ZNF273: variants seen among roughly 807,000 people sequenced by gnomAD.
The protein encoded by ZNF273 is zinc finger protein 273, also known as zinc finger protein 9.
In ZNF273, 11 loss-of-function variants were observed where a neutral mutation model predicts 14.9. The observed-to-expected ratio is 0.74, with a 90% CI of 0.46 to 1.22. ZNF273 has a LOEUF of 1.22. Ranked by LOEUF, ZNF273 falls within the 50% of genes most tolerant of loss-of-function variation. The probability of loss-of-function intolerance (pLI) is 0.00; values close to 1 mark genes in which losing one functional copy is unlikely to be tolerated. For synonymous variants in ZNF273, 199 were observed against 223.9 expected (o/e 0.89, Z 0.99); for missense variants, 577 against 660.6 (o/e 0.87, Z 1.39).
intron 1 of ZNF273, among the ~76,000 whole-genome samples, chr7:64,912,826 G>GTTTTGTTTTTTTTTTT (rs746174998): frequency 1.4e-4 from 5 of 36,568 alleles, no homozygotes; most frequent in Non-Finnish European, 2.3e-4. Context: ...ATTCATTTTA[G>GTTTTGTTTTTTTTTTT]TTTTTTTTTT....
chr7:64,890,383 A>T (rs1162180158), downstream of ZNF273, among the ~76,000 whole-genome samples: 1 of 152,000 alleles, frequency 6.6e-6, no homozygotes, highest in Non-Finnish European at 1.5e-5. Flanking sequence ...AGGTTCCGTG[A>T]TCAGCTGCGG....
downstream of ZNF273, among the ~76,000 whole-genome samples, chr7:64,881,730 G>T (rs1207306911): frequency 6.6e-6 from 1 of 152,158 alleles, no homozygotes; most frequent in African/African-American, 2.4e-5. Flanking sequence ...ATGGGTCGTG[G>T]TCTCTTTGTG....
At chr7:64,894,675 C>T (rs1792253102), downstream of ZNF273, among the ~76,000 whole-genome samples, 1 of 142,318 alleles carries the variant, frequency 7.0e-6, no homozygotes, top group Admixed American at 7.1e-5. Flanking sequence ...ATTTGTCATA[C>T]TATATAAATA....
chr7:64,885,021 C>A (rs72504857), intron 1 of ZNF273, among the ~76,000 whole-genome samples: 5,397 of 152,326 alleles, frequency 0.035, 133 homozygotes, highest in Middle Eastern at 0.082. Context: ...GCGCCAGTCG[C>A]GGGACACCTG....
chr7:64,918,161 G>A (rs1483514684), intron 2 of ZNF273, 36 bp from the exon 3 acceptor site: 1 of 1,525,898 alleles, frequency 6.6e-7, no homozygotes, highest in Admixed American at 1.8e-5. Flanking sequence ...TGGAGAATAT[G>A]AGCAAGATTC....
intron 1 of ZNF273, among the ~76,000 whole-genome samples, chr7:64,912,826 G>GTTTTTTGTTTTTGTTTTTTTTTTTT: frequency 2.7e-5 from 1 of 36,568 alleles, no homozygotes. Context: ...ATTCATTTTA[G>GTTTTTTGTTTTTGTTTTTTTTTTTT]TTTTTTTTTT....
At chr7:64,931,155 G>A (rs566075082), downstream of ZNF273, among the ~76,000 whole-genome samples, 1 of 152,072 alleles carries the variant, frequency 6.6e-6, no homozygotes, top group Non-Finnish European at 1.5e-5. Flanking sequence ...GAGTATGTTT[G>A]TACCTGTTTT....
intron 3 of ZNF273, among the ~76,000 whole-genome samples, chr7:64,896,508 G>T (rs1367643221): frequency 6.6e-6 from 1 of 151,926 alleles, no homozygotes; most frequent in Non-Finnish European, 1.5e-5. Context: ...TTTTCAGAAA[G>T]AATAAATACA....
upstream of ZNF273, among the ~76,000 whole-genome samples, chr7:64,900,128 T>G (rs182316310): frequency 1.3e-4 from 20 of 152,002 alleles, no homozygotes; most frequent in East Asian, 1.4e-3. Flanking sequence ...CTTTTTTTTT[T>G]TTTGTTTGTT....
At chr7:64,911,280 C>CT (rs58701857) in intron 1 of ZNF273, among the ~76,000 whole-genome samples, 18,687 of 128,286 alleles carry the variant, frequency 0.15, 1,407 homozygotes, top group African/African-American at 0.27. Context: ...GTGAACTAGC[C>CT]TTTTTTTTTT....
downstream of ZNF273, chr7:64,889,606 C>T (rs1791844288): frequency 3.0e-6 from 3 of 986,026 alleles, no homozygotes; most frequent in Non-Finnish European, 3.6e-6. This position sits in a 1 kb window ranked among gnomAD's most constrained non-coding sequence, Gnocchi z 4.2. Context: ...GGGGTCCCCG[C>T]GCTGTTGGAA....
intron 1 of ZNF273, among the ~76,000 whole-genome samples, chr7:64,907,399 A>C (rs1199937881): frequency 2.0e-5 from 3 of 152,088 alleles, no homozygotes; most frequent in South Asian, 2.1e-4. Flanking sequence ...CTTCCATTTG[A>C]GTTTTCCTGC....
In ZNF273 at chr7:64,930,079, G is replaced by T. The variant is rs1276983740; in HGVS notation, c.*1041G>T. The T allele has an allele frequency of 1.3e-5, 2 of 152,092 alleles. No individual in the cohort carries two copies. Among genetic ancestry groups the T allele is most frequent in the African/African-American group, 4.8e-5 (2 of 41,400 alleles). 9.4% of individuals were successfully genotyped at this position (152,092 alleles called of 1,614,324 possible). A position where few individuals can be genotyped will look rare whatever the true frequency, so the allele number is the denominator to read the frequency against. ...GGGTTTCTCCATGTTGGTCAGTCTG[G>T]TCTCAAACTCCCAACCTCAGGTGAT... is the stretch of plus-strand genomic sequence containing the variant. On this transcript the variant is annotated 3_prime_UTR_variant, in exon 4 of 4. Transcript: ENST00000476120.
At chr7:64,881,472 T>C (rs1562945216), downstream of ZNF273, among the ~76,000 whole-genome samples, 1 of 152,238 alleles carries the variant, frequency 6.6e-6, no homozygotes, top group Non-Finnish European at 1.5e-5. Flanking sequence ...TCCCGTTACA[T>C]CCGCCAACAA....
chr7:64,912,846 T>TTTTTTTTTTTTTTTTTTG lies in ZNF273; in HGVS notation c.103-4735_103-4734insTTTTTTTTTTTTTTTTTG, dbSNP rs1562959220. Among the ~76,000 whole-genome samples, 94 of 98,230 alleles carry TTTTTTTTTTTTTTTTTTG rather than the reference T, an allele frequency of 9.6e-4. 14 individuals carry two copies. Among genetic ancestry groups the TTTTTTTTTTTTTTTTTTG allele is most frequent in the Non-Finnish European group, 1.8e-3 (71 of 39,222 alleles). 64.4% of individuals were successfully genotyped at this position (98,230 alleles called of 152,430 possible). A position where few individuals can be genotyped will look rare whatever the true frequency, so the allele number is the denominator to read the frequency against. ...TTTTAGTTTTTTTTTTTTTTTTTTTTGAGATTGAGTTTCGCTCTGTCATCC... is the reference window on the plus strand; with the variant it reads ...TTTTAGTTTTTTTTTTTTTTTTTTTTTTTTTTTTTTTTTTTTTGGAGATTGAGTTTCGCTCTGTCATCC... On this transcript the variant is annotated intron_variant, in intron 1 of 3. Transcript: ENST00000476120.
intron 3 of ZNF273, among the ~76,000 whole-genome samples, chr7:64,920,555 C>T (rs772016079): frequency 2.6e-5 from 4 of 152,184 alleles, no homozygotes; most frequent in Non-Finnish European, 5.9e-5. Flanking sequence ...CAGACTGTGG[C>T]TGGGAGGAGT....
downstream of ZNF273, among the ~76,000 whole-genome samples, chr7:64,931,851 T>G (rs796330569): frequency 6.6e-6 from 1 of 152,334 alleles, no homozygotes; most frequent in South Asian, 2.1e-4. Flanking sequence ...GTAACATTGA[T>G]TTTTCATGTG....
chr7:64,879,647 A>C (rs1487702310), exon 3 of ZNF273: 1 of 152,270 alleles, frequency 6.6e-6, no homozygotes, highest in Non-Finnish European at 1.5e-5. Context: ...GAGCTTAAGG[A>C]CACAGGAATC....
At chr7:64,936,994 CAG>C in the ZNF273 span, among the ~76,000 whole-genome samples, 2 of 152,152 alleles carry the variant, frequency 1.3e-5, no homozygotes, top group Admixed American at 6.5e-5. Context: ...GTTCTATTGA[CAG>C]AATAACTTTA....
Sources: gnomAD v4.1 joint callset for allele counts (sites outside exome capture counted in the v4.1 genomes callset) on GRCh38, gnomAD v4.1.1 for gene constraint, Gnocchi (gnomAD v3.1) non-coding constraint, MANE v1.5 for transcripts, NCBI Gene and HGNC (gene_info 2026-07-23, HGNC 2026-07-21) for gene names.